Variants in KIF20B observed in about 807,000 individuals in gnomAD.
The protein encoded by KIF20B is kinesin-like protein KIF20B.
In KIF20B, 188 loss-of-function variants were observed where a neutral mutation model predicts 232.5. That is an observed-to-expected ratio of 0.81 (90% confidence interval 0.72 to 0.91). KIF20B has a LOEUF of 0.91. Ranked by LOEUF, KIF20B falls within the 40% of genes least tolerant of loss-of-function variation. KIF20B has a pLI of 0.00. For synonymous variants in KIF20B, 712 were observed against 683.0 expected (o/e 1.04, Z -0.66); for missense variants, 2,154 against 2,055.9 (o/e 1.05, Z -0.92).
In KIF20B at chr10:89,774,273, A is replaced by G. The variant is rs1842524725; in HGVS notation, c.*225A>G. The G allele has an allele frequency of 3.3e-6, 1 of 302,498 alleles. No homozygotes were observed. The highest frequency in any genetic ancestry group is 6.1e-6 in the Non-Finnish European group (1 of 164,556). 18.7% of individuals were successfully genotyped at this position (302,498 alleles called of 1,614,324 possible). A position where few individuals can be genotyped will look rare whatever the true frequency, so the allele number is the denominator to read the frequency against. On this transcript the variant is annotated 3_prime_UTR_variant, in exon 33 of 33. Coordinates refer to ENST00000371728, the MANE Select transcript of KIF20B (RefSeq NM_001284259.2). ...TCAAACTGTATTTCCCTATTATCTC[A>G]GACATTGGATCAGTGAAGATCCTAG...
Position 89,717,404 on chromosome 10 carries a change from AT to A in KIF20B, c.1053-17del. ...CAGAAATTAAAAATGATAAGATAAC[AT>A]TTGATCTTTGTATTTCAGTCACAGC... On this transcript the variant is annotated intron_variant, in intron 9 of 32. Transcript: ENST00000371728. The A allele has an allele frequency of 6.9e-7, 1 of 1,447,828 alleles. No individual in the cohort carries two copies. The highest frequency in any genetic ancestry group is 9.6e-7 in the Non-Finnish European group (1 of 1,043,652). 89.7% of individuals were successfully genotyped at this position (1,447,828 alleles called of 1,614,324 possible). A position where few individuals can be genotyped will look rare whatever the true frequency, so the allele number is the denominator to read the frequency against.
intron 19 of KIF20B, among the ~76,000 whole-genome samples, chr10:89,736,267 T>G (rs889582030): frequency 1.4e-4 from 21 of 152,308 alleles, no homozygotes; most frequent in African/African-American, 3.8e-4. Context: ...TGACCCTTAA[T>G]GGAAATTGTA....
Position 89,751,478 on chromosome 10 carries a change from C to T in KIF20B, c.4222+7C>T. 1 of 1,596,422 alleles carries T rather than the reference C, an allele frequency of 6.3e-7. No individual in the cohort carries two copies. The highest frequency in any genetic ancestry group is 2.3e-5 in the East Asian group (1 of 44,334). ...GTTGAAAGGCTGGCCACAGGTAAAACAAGATTGCTTACATTTCTCTAAATA... is the reference window on the plus strand; with the variant it reads ...GTTGAAAGGCTGGCCACAGGTAAAATAAGATTGCTTACATTTCTCTAAATA... On this transcript the variant is annotated splice_region_variant and intron_variant, in intron 24 of 32. Coordinates refer to ENST00000371728, the MANE Select transcript of KIF20B (RefSeq NM_001284259.2).
At chr10:89,755,308 T>C (rs2133157057) in intron 26 of KIF20B, among the ~76,000 whole-genome samples, 1 of 152,328 alleles carries the variant, frequency 6.6e-6, no homozygotes, top group South Asian at 2.1e-4. Context: ...CATTTCCTTT[T>C]TTTATGACTG....
At position 89,709,459 on chromosome 10, in the gene KIF20B, A is replaced by G. The variant is rs1038163377; in HGVS notation, c.349A>G (p.Lys117Glu). The change falls in exon 4 of 33, where the codon AAG becomes GAG. Residue 117 changes from lysine to glutamate, a missense_variant and splice_region_variant. Lys to Glu is a moderately conservative substitution (Grantham distance 56). Transcript: ENST00000371728. ...GQMAQKFSFS[K>E]VFGPATTQKE... The stretch of plus-strand genomic sequence containing the variant: ...GATGGCACAGAAATTCAGTTTTTCC[A>G]AGGTAAAACTGAAGTGTTTTTGTTT... 1.1e-5 allele frequency: 18 copies of G among 1,594,644 alleles called. No individual in the cohort carries two copies. The highest frequency in any genetic ancestry group is 1.5e-5 in the Non-Finnish European group (17 of 1,163,750).
chr10:89,754,408 T>G, intron 25 of KIF20B, 110 bp from the exon 26 acceptor site: 1 of 556,224 alleles, frequency 1.8e-6, no homozygotes, highest in Non-Finnish European at 2.8e-6. Flanking sequence ...AGTGAAACAT[T>G]AAAGTTTTTA....
chr10:89,752,796 G>T, intron 25 of KIF20B, 105 bp downstream of exon 25: 1 of 753,168 alleles, frequency 1.3e-6, no homozygotes, highest in Non-Finnish European at 1.9e-6. Flanking sequence ...CTTAGATATG[G>T]GTGAAATAAT....
intron 9 of KIF20B, among the ~76,000 whole-genome samples, chr10:89,716,791 G>C (rs963946102): frequency 1.3e-5 from 2 of 152,070 alleles, no homozygotes; most frequent in African/African-American, 4.8e-5. Flanking sequence ...CTTTATGTCA[G>C]TATCTAAGCT....
At chr10:89,764,714 A>G (rs1241037731) in intron 29 of KIF20B, among the ~76,000 whole-genome samples, 1 of 150,976 alleles carries the variant, frequency 6.6e-6, no homozygotes, top group Non-Finnish European at 1.5e-5. Flanking sequence ...GTGTCTGTTC[A>G]TGTCCTTCGC....
Position 89,738,145 on chromosome 10 carries a change from C to CTAAAAA in KIF20B, c.3308_3309insAATAAA (p.Lys1103_Glu1104insIleLys), listed in dbSNP as rs55921521. 1.2e-6 allele frequency: 2 copies of CTAAAAA among 1,608,602 alleles called. No homozygotes were observed. Among genetic ancestry groups the CTAAAAA allele is most frequent in the South Asian group, 2.2e-5 (2 of 90,896 alleles). The stretch of plus-strand genomic sequence containing the variant: ...AGGCTATAAGGATGAAAACAATAGA[C>CTAAAAA]TAAAGGAGAAGGAGCATAAAAACCA... On this transcript the variant is annotated inframe_insertion, in exon 20 of 33. Transcript: ENST00000371728.
At chr10:89,767,291 C>T (rs1842381587) in intron 29 of KIF20B, among the ~76,000 whole-genome samples, 1 of 151,368 alleles carries the variant, frequency 6.6e-6, no homozygotes, top group African/African-American at 2.4e-5. Context: ...ATCAGTCTGT[C>T]ACCTACATTA....
chr10:89,770,663 A>G (rs1023875287), intron 31 of KIF20B, among the ~76,000 whole-genome samples: 3 of 150,638 alleles, frequency 2.0e-5, no homozygotes, highest in African/African-American at 7.3e-5. Flanking sequence ...AGATATCCCT[A>G]TTTTGAACTG....
chr10:89,773,774 G>C (rs1342446990), intron 32 of KIF20B, among the ~76,000 whole-genome samples, 197 bp from the exon 33 acceptor site: 1 of 151,928 alleles, frequency 6.6e-6, no homozygotes, highest in Non-Finnish European at 1.5e-5. Flanking sequence ...GAATTTGATA[G>C]TGTTGAATCT....
In KIF20B at chr10:89,719,447, C is replaced by T. The variant is rs375018458; in HGVS notation, c.1463C>T (p.Ser488Phe). 6 of 1,591,226 alleles carry T rather than the reference C, an allele frequency of 3.8e-6. No homozygotes were observed. The highest frequency in any genetic ancestry group is 3.4e-6 in the Non-Finnish European group (4 of 1,171,792). The stretch of plus-strand genomic sequence containing the variant: ...TGTGTCCCAGACACTTTAAATTCCT[C>T]TCAAGAGAAATTATTTGGACCTGTC... ...KVCVPDTLNS[S>F]QEKLFGPVKS... is the part of the protein sequence containing the mutation. Residue 488 changes from serine (S) to phenylalanine (F), a missense_variant, in exon 13 of 33, where the codon TCT (serine) becomes TTT (phenylalanine). Coordinates refer to ENST00000371728, the MANE Select transcript of KIF20B (RefSeq NM_001284259.2).
In KIF20B at chr10:89,737,811, C is replaced by T. The variant is rs141100311; in HGVS notation, c.2970C>T (p.Asp990=). Residue 990 remains aspartate (D), a synonymous_variant, in exon 20 of 33, where the codon GAC becomes GAT. Transcript: ENST00000371728. ...SQIKLMHTKI[D]ELRTLDSVSQ... ...TAAAATTAATGCACACGAAAATAGA[C>T]GAACTACGTACTCTTGATTCAGTTT... The T allele has an allele frequency of 2.7e-4, 430 of 1,613,034 alleles. No individual in the cohort carries two copies. In the African/African-American group the frequency reaches 4.8e-3, roughly 18 times the overall value.
Position 89,717,621 on chromosome 10 carries a change from A to G in KIF20B, c.1170A>G (p.Thr390=). The G allele has an allele frequency of 6.2e-7, 1 of 1,612,070 alleles. No individual in the cohort carries two copies. The highest frequency in any genetic ancestry group is 8.5e-7 in the Non-Finnish European group (1 of 1,178,802). The change falls in exon 11 of 33, where the codon ACA becomes ACG. Residue 390 remains threonine, a synonymous_variant. Transcript: ENST00000371728. ...DLAGSERTMK[T]QNEGERLRET... ...CTGGTTCAGAACGAACTATGAAGAC[A>G]CAGAATGAAGGTGAAAGGTTAAGAG...
chr10:89,711,990 A>G (rs979747147), intron 6 of KIF20B, among the ~76,000 whole-genome samples: 29 of 152,150 alleles, frequency 1.9e-4, no homozygotes, highest in African/African-American at 7.0e-4. Flanking sequence ...CTGGTTTGAT[A>G]GGTGAAAAAT....
intron 24 of KIF20B, 54 bp downstream of exon 24, chr10:89,751,525 A>T: frequency 2.7e-6 from 4 of 1,485,300 alleles, no homozygotes; most frequent in South Asian, 2.6e-5. Flanking sequence ...TTAAAAAAAA[A>T]TTTCCTAGAT....
At chr10:89,734,610 G>C (rs991319073) in intron 19 of KIF20B, among the ~76,000 whole-genome samples, 1 of 152,126 alleles carries the variant, frequency 6.6e-6, no homozygotes, top group Admixed American at 6.5e-5. Flanking sequence ...TTTGTATATG[G>C]CATGGCAGAT....
Sources: allele counts gnomAD v4.1 joint callset (sites outside exome capture counted in the v4.1 genomes callset), GRCh38; gene constraint gnomAD v4.1.1; transcripts MANE v1.5; gene names NCBI Gene and HGNC (gene_info 2026-07-23, HGNC 2026-07-21).